RASA3: variants seen among roughly 807,000 people sequenced by gnomAD.
RASA3 encodes the protein RAS p21 protein activator 3.
A neutral mutation model predicts 110.0 loss-of-function variants in RASA3; 73 were observed. That is an observed-to-expected ratio of 0.66 (90% CI 0.55 to 0.81). The LOEUF is 0.81. Ranked by LOEUF, RASA3 falls within the 30% of genes least tolerant of loss-of-function variation. The pLI, the probability that RASA3 is intolerant of heterozygous loss-of-function variation, is 0.00. For missense variants in RASA3, 976 were observed against 1,113.2 expected, an observed-to-expected ratio of 0.88 and a Z score of 1.75; for synonymous variants, 500 against 451.4, an observed-to-expected ratio of 1.11 and a Z score of -1.37.
chr13:114,043,858 G>T (rs1466638015), intron 3 of RASA3, among the ~76,000 whole-genome samples: 7 of 6,272 alleles, frequency 1.1e-3, no homozygotes, highest in Admixed American at 3.8e-3. Flanking sequence ...CGCCTCACTC[G>T]CTGAGCCCCC....
intron 4 of RASA3, among the ~76,000 whole-genome samples, chr13:114,032,804 C>A (rs1253927695): frequency 2.3e-4 from 27 of 116,598 alleles, no homozygotes; most frequent in Non-Finnish European, 3.6e-4. Context: ...CCCACGGCAC[C>A]CCCACACTGA....
rs373573906 is a variant in RASA3 at position 114,024,299 on chromosome 13, G to A, written c.660C>T (p.Asp220=). 419 of 1,614,022 alleles carry A rather than the reference G, an allele frequency of 2.6e-4. 3 individuals carry two copies. In the South Asian group the frequency reaches 4.1e-3, roughly 16 times the overall value. Residue 220 remains aspartate (D), a synonymous_variant, in exon 8 of 24, where the codon GAC becomes GAT. Coordinates refer to ENST00000334062, the MANE Select transcript of RASA3 (RefSeq NM_007368.4). ...KKSHFDFEEE[D]VDKLEIRVDL... is the part of the protein sequence containing the mutation. The stretch of plus-strand genomic sequence containing the variant: ...CTCACCTGATTTCGAGCTTGTCCAC[G>A]TCTTCCTCCTCAAAGTCAAAGTGGG...
chr13:114,028,004 C>A (rs1279694527), intron 5 of RASA3, 77 bp from the exon 6 acceptor site: 7 of 1,277,424 alleles, frequency 5.5e-6, no homozygotes, highest in South Asian at 5.2e-5. Context: ...CTGGGTCAGG[C>A]AGGAGGCCTG....
At chr13:114,052,946 TCGCTCCTGGGGGAGAAATCGC>T (rs1566531212) in intron 2 of RASA3, among the ~76,000 whole-genome samples, 236 of 123,440 alleles carry the variant, frequency 1.9e-3, no homozygotes, top group African/African-American at 5.4e-3. Context: ...CTTAGAGTCC[TCGCTCCTGGGGGAGAAATCGC>T]CACTGCTGAC....
At chr13:114,072,949 T>C (rs1264480842) in intron 2 of RASA3, among the ~76,000 whole-genome samples, 1 of 135,760 alleles carries the variant, frequency 7.4e-6, no homozygotes, top group African/African-American at 3.2e-5. Context: ...CATGGGAAAA[T>C]GGGACGGTGA....
intron 2 of RASA3, among the ~76,000 whole-genome samples, chr13:114,060,276 G>C (rs1269101128): frequency 6.6e-6 from 1 of 152,210 alleles, no homozygotes; most frequent in African/African-American, 2.4e-5. Flanking sequence ...GTGCAGAGCA[G>C]ACATTTCACC....
chr13:113,982,161 A>G (rs1240791244), intron 22 of RASA3, among the ~76,000 whole-genome samples: 1 of 152,132 alleles, frequency 6.6e-6, no homozygotes, highest in East Asian at 1.9e-4. Flanking sequence ...AGCCATTCTC[A>G]CAGGGGGATG....
chr13:114,066,504 C>A (rs1205478326), intron 2 of RASA3, among the ~76,000 whole-genome samples: 1 of 152,196 alleles, frequency 6.6e-6, no homozygotes, highest in Non-Finnish European at 1.5e-5. Flanking sequence ...CGTGACAGGC[C>A]CAGCCTCTCC....
At chr13:113,992,420 T>G in intron 22 of RASA3, 65 bp downstream of exon 22, 1 of 1,317,510 alleles carries the variant, frequency 7.6e-7, no homozygotes, top group Admixed American at 1.7e-5. Flanking sequence ...CACAGCATGC[T>G]CCTGAGGCCG....
At chr13:114,034,319 G>A (rs1338457926) in intron 4 of RASA3, among the ~76,000 whole-genome samples, 2 of 152,286 alleles carry the variant, frequency 1.3e-5, no homozygotes, top group African/African-American at 4.8e-5. Context: ...TTGCAAGGCT[G>A]TGCAGACGGA....
At chr13:114,067,612 G>C (rs1450732521) in intron 2 of RASA3, among the ~76,000 whole-genome samples, 1 of 152,162 alleles carries the variant, frequency 6.6e-6, no homozygotes. Context: ...GACATTTCTT[G>C]GTTTAGTCAT....
intron 22 of RASA3, among the ~76,000 whole-genome samples, chr13:113,991,953 TCACA>T (rs751211111): frequency 1.4e-4 from 21 of 145,392 alleles, no homozygotes; most frequent in Admixed American, 2.7e-4. Context: ...TCACACACAC[TCACA>T]CACGTCCATT....
intron 1 of RASA3, among the ~76,000 whole-genome samples, chr13:114,127,998 G>A (rs751933546): frequency 2.6e-5 from 4 of 152,196 alleles, no homozygotes; most frequent in Non-Finnish European, 4.4e-5. Flanking sequence ...GGCAAGGCCC[G>A]GGCCCCAGGC....
intron 21 of RASA3, among the ~76,000 whole-genome samples, chr13:113,995,478 G>A (rs1218814823): frequency 6.6e-6 from 1 of 152,264 alleles, no homozygotes; most frequent in African/African-American, 2.4e-5. Context: ...GCATCACGTG[G>A]CCACAACAAC....
intron 8 of RASA3, among the ~76,000 whole-genome samples, chr13:114,022,965 C>T (rs746195121): frequency 1.3e-5 from 2 of 152,304 alleles, no homozygotes; most frequent in Middle Eastern, 3.4e-3. Context: ...TGACTGACCA[C>T]GTCAGGGACA....
intron 18 of RASA3, 50 bp from the exon 19 acceptor site, chr13:114,000,982 G>T: frequency 1.5e-6 from 2 of 1,293,054 alleles, no homozygotes; most frequent in East Asian, 2.3e-5. Flanking sequence ...CTGCCTCCCT[G>T]CACAGGTGAA....
chr13:114,057,753 T>A lies in RASA3; in HGVS notation c.174-5598A>T, dbSNP rs2079268756. ...TAACCTCTGAGAATGAACCCACAGC[T>A]AAAACCCATAAAACCTCCGCCAACC... On this transcript the variant is annotated intron_variant, in intron 2 of 23. Transcript: ENST00000334062. This position sits in a 1 kb window ranked among gnomAD's most constrained non-coding sequence, Gnocchi z 5.0. 6.6e-6 allele frequency among the ~76,000 whole-genome samples: 1 copy of A among 152,084 alleles called. No homozygotes were observed. The highest frequency in any genetic ancestry group is 2.1e-4 in the South Asian group (1 of 4,826).
intron 2 of RASA3, among the ~76,000 whole-genome samples, chr13:114,072,789 C>T (rs896004074): frequency 1.3e-5 from 2 of 152,236 alleles, no homozygotes; most frequent in African/African-American, 4.8e-5. Flanking sequence ...GATGTACATG[C>T]TCAGGACATA....
intron 1 of RASA3, among the ~76,000 whole-genome samples, chr13:114,092,516 TGAGAA>T (rs2079900310): frequency 6.6e-6 from 1 of 152,170 alleles, no homozygotes; most frequent in South Asian, 2.1e-4. Flanking sequence ...TTGATTGTGT[TGAGAA>T]AAGAGACTTG....
Sources: gnomAD v4.1 joint callset for allele counts (sites outside exome capture counted in the v4.1 genomes callset) on GRCh38, gnomAD v4.1.1 for gene constraint, Gnocchi (gnomAD v3.1) non-coding constraint, MANE v1.5 for transcripts, NCBI Gene and HGNC (gene_info 2026-07-23, HGNC 2026-07-21) for gene names.